The following GSTCD variants were observed in gnomAD, a reference collection of about 807,000 sequenced individuals.
GSTCD encodes the protein glutathione S-transferase C-terminal domain-containing protein.
In GSTCD, 44 loss-of-function variants were observed where a neutral mutation model predicts 68.3. The ratio of observed to expected loss-of-function variants is 0.64; its 90% CI spans 0.51 to 0.83. The LOEUF is 0.83. GSTCD is among the 40% of genes least tolerant of loss of function. The pLI is 0.00. For synonymous variants in GSTCD, 273 were observed against 255.2 expected (o/e 1.07, Z -0.67); for missense variants, 739 against 735.9 (o/e 1.00, Z -0.05).
rs1002519880 is a variant in GSTCD, at chr4:105,714,319, G to A, written c.-21-3274G>A. Among the ~76,000 whole-genome samples the A allele has an allele frequency of 2.0e-5, 3 of 152,112 alleles. No homozygotes were observed. In the South Asian group the frequency reaches 6.2e-4, roughly 31 times the overall value. On this transcript the variant is annotated intron_variant, in intron 1 of 11. Transcript: ENST00000515279. ...AATTACTCTATTTCTGTGCTTGGCA[G>A]GAATGTAATATGGAGTAACAAGAGC...
At position 105,829,409 on chromosome 4, in the gene GSTCD, A is replaced by G. The variant is rs1471254907; in HGVS notation, c.1530+3609A>G. 2.0e-5 allele frequency among the ~76,000 whole-genome samples: 3 copies of G among 152,296 alleles called. No individual in the cohort carries two copies. In the East Asian group the frequency reaches 5.8e-4, roughly 29 times the overall value. On this transcript the variant is annotated intron_variant, in intron 8 of 11. Transcript: ENST00000515279. ...GTATTAGTCTGTTCTCACACTGCTA[A>G]TAAAGACATACCCAAGACTGGGTAA...
chr4:105,835,785 C>T (rs80136787), intron 9 of GSTCD, among the ~76,000 whole-genome samples: 2,681 of 152,260 alleles, frequency 0.018, 40 homozygotes, highest in Middle Eastern at 0.051. Flanking sequence ...GAATGAGGTA[C>T]ACAGACAATT....
At chr4:105,737,572 C>A (rs1733502410) in intron 5 of GSTCD, among the ~76,000 whole-genome samples, 1 of 152,178 alleles carries the variant, frequency 6.6e-6, no homozygotes, top group African/African-American at 2.4e-5. Flanking sequence ...TGTCTAGAAG[C>A]ATTCTCCTTA....
chr4:105,785,228 T>C (rs757673991), intron 5 of GSTCD, among the ~76,000 whole-genome samples: 102 of 152,304 alleles, frequency 6.7e-4, no homozygotes, highest in Admixed American at 1.4e-3. Context: ...TGTTGACTTA[T>C]AACATTTTTA....
intron 5 of GSTCD, among the ~76,000 whole-genome samples, chr4:105,817,909 C>T (rs199779648): frequency 1.3e-5 from 2 of 151,854 alleles, no homozygotes; most frequent in South Asian, 2.1e-4. Context: ...CGATATCTAA[C>T]GCATTTTCAC....
At chr4:105,718,175 A>T (rs1346662223) in intron 2 of GSTCD, 136 bp downstream of exon 2, 1 of 683,956 alleles carries the variant, frequency 1.5e-6, no homozygotes, top group Non-Finnish European at 2.4e-6. Context: ...AATGAAATAA[A>T]GTAGCCCTTT....
intron 5 of GSTCD, among the ~76,000 whole-genome samples, chr4:105,766,887 C>CTTT: frequency 0.5 from 28,367 of 56,490 alleles, 8,742 homozygotes; most frequent in East Asian, 0.73. Flanking sequence ...GTTTTTGACT[C>CTTT]TTTTTTTTTT....
At chr4:105,843,095 G>A (rs1341702404) in intron 11 of GSTCD, among the ~76,000 whole-genome samples, 1 of 151,998 alleles carries the variant, frequency 6.6e-6, no homozygotes, top group Non-Finnish European at 1.5e-5. Flanking sequence ...TGTTTCTTTG[G>A]CTGAGCACCA....
chr4:105,794,316 G>C (rs568963817), intron 5 of GSTCD, among the ~76,000 whole-genome samples: 3 of 151,942 alleles, frequency 2.0e-5, no homozygotes, highest in African/African-American at 7.3e-5. Context: ...ATCCCCGTAC[G>C]ATACTACAAT....
At chr4:105,841,982 G>T in intron 10 of GSTCD, 83 bp from the exon 11 acceptor site, 3 of 935,886 alleles carry the variant, frequency 3.2e-6, no homozygotes, top group South Asian at 1.4e-5. Flanking sequence ...CCAGAAAAAT[G>T]AGGTAGTTTT....
chr4:105,739,540 A>G (rs1318843426), intron 5 of GSTCD, among the ~76,000 whole-genome samples: 1 of 152,150 alleles, frequency 6.6e-6, no homozygotes, highest in South Asian at 2.1e-4. Flanking sequence ...CTTGTTACTC[A>G]TAATTGGTCT....
rs1305113352 is a variant in GSTCD at position 105,845,676 on chromosome 4, C to T, written c.*99C>T. 8.1e-7 allele frequency: 1 copy of T among 1,239,146 alleles called. No individual in the cohort carries two copies. The highest frequency in any genetic ancestry group is 1.5e-5 in the African/African-American group (1 of 67,618). 76.8% of individuals were successfully genotyped at this position (1,239,146 alleles called of 1,614,324 possible). A position where few individuals can be genotyped will look rare whatever the true frequency, so the allele number is the denominator to read the frequency against. On this transcript the variant is annotated 3_prime_UTR_variant, in exon 12 of 12. Transcript: ENST00000515279. ...GGCATAACTAGGAAACAGCATTAGC[C>T]ATCTTGAACCTATTGTGCTCAGGAA...
intron 5 of GSTCD, among the ~76,000 whole-genome samples, chr4:105,756,943 C>G (rs1734220634): frequency 6.6e-6 from 1 of 152,142 alleles, no homozygotes; most frequent in Non-Finnish European, 1.5e-5. Flanking sequence ...ACAGTCACCA[C>G]TTACAGCATC....
At chr4:105,823,350 G>A (rs889990251) in intron 7 of GSTCD, 75 bp downstream of exon 7, 59 of 1,297,938 alleles carry the variant, frequency 4.5e-5, no homozygotes, top group African/African-American at 3.8e-4. Flanking sequence ...GGTTTATCCC[G>A]CTCTTGGAGT....
At chr4:105,713,201 CAA>C (rs112924072) in intron 1 of GSTCD, among the ~76,000 whole-genome samples, 4,893 of 152,126 alleles carry the variant, frequency 0.032, 240 homozygotes, top group African/African-American at 0.1. Context: ...GTGGCATGCT[CAA>C]AAGTTTGAAA....
At chr4:105,833,042 G>A (rs1389982064) in intron 8 of GSTCD, among the ~76,000 whole-genome samples, 1 of 152,236 alleles carries the variant, frequency 6.6e-6, no homozygotes, top group East Asian at 1.9e-4. Flanking sequence ...TGTGGCTCAT[G>A]TAAGTCTAGA....
chr4:105,791,600 G>T (rs528946336), intron 5 of GSTCD, among the ~76,000 whole-genome samples: 2 of 151,928 alleles, frequency 1.3e-5, no homozygotes, highest in Non-Finnish European at 2.9e-5. Flanking sequence ...TCATTATCAG[G>T]TTATTCTGTG....
intron 5 of GSTCD, among the ~76,000 whole-genome samples, chr4:105,767,277 G>C (rs938472924): frequency 1.3e-5 from 2 of 152,202 alleles, no homozygotes; most frequent in African/African-American, 4.8e-5. Flanking sequence ...TGTTATAAGA[G>C]TAAGTTACAG....
intron 5 of GSTCD, among the ~76,000 whole-genome samples, chr4:105,730,667 A>G (rs1415423152): frequency 1.3e-5 from 2 of 152,094 alleles, no homozygotes; most frequent in Non-Finnish European, 2.9e-5. Context: ...AGTAGATGGC[A>G]AAAAATTTCT....
Sources: allele counts gnomAD v4.1 joint callset (sites outside exome capture counted in the v4.1 genomes callset), GRCh38; gene constraint gnomAD v4.1.1; transcripts MANE v1.5; gene names NCBI Gene and HGNC (gene_info 2026-07-23, HGNC 2026-07-21).